LPA: variants seen among roughly 807,000 people sequenced by gnomAD.
The protein encoded by LPA is apolipoprotein(a).
In LPA, 199 loss-of-function variants were observed where a neutral mutation model predicts 197.9. The ratio of observed to expected loss-of-function variants is 1.01; its 90% confidence interval spans 0.90 to 1.13. LPA has a LOEUF of 1.13. LPA is among the 50% of genes most tolerant of loss of function. LPA has a pLI of 0.00. For synonymous variants in LPA, 715 were observed against 639.5 expected (o/e 1.12, Z -1.78); for missense variants, 1,853 against 1,785.8 (o/e 1.04, Z -0.68).
intron 28 of LPA, among the ~76,000 whole-genome samples, chr6:160,559,445 G>A (rs1778326004): frequency 6.6e-6 from 1 of 152,092 alleles, no homozygotes; most frequent in Admixed American, 6.6e-5. Flanking sequence ...TTTACAGTTT[G>A]AATTATAATA....
intron 7 of LPA, among the ~76,000 whole-genome samples, 183 bp downstream of exon 7, chr6:160,634,940 G>C (rs1480190762): frequency 4.0e-5 from 6 of 150,234 alleles, no homozygotes; most frequent in East Asian, 1.9e-4. Context: ...GCCCACCCAA[G>C]TTGCACCAGA....
intron 22 of LPA, 37 bp downstream of exon 22, chr6:160,593,921 G>T: frequency 1.2e-6 from 2 of 1,610,890 alleles, no homozygotes; most frequent in Non-Finnish European, 1.7e-6. Context: ...ATGTAAGGGG[G>T]CTGCTGTCTG....
chr6:160,607,431 A>T (rs531249602), intron 16 of LPA, among the ~76,000 whole-genome samples: 5 of 152,128 alleles, frequency 3.3e-5, no homozygotes, highest in African/African-American at 1.2e-4. Flanking sequence ...GGAAAGGGGG[A>T]TGAGTTGAAA....
chr6:160,553,905 TTCTC>T (rs962607479), intron 30 of LPA, among the ~76,000 whole-genome samples: 3 of 141,996 alleles, frequency 2.1e-5, no homozygotes, highest in African/African-American at 5.2e-5. Context: ...TTTTCAGCCT[TTCTC>T]TCTCTCTCTT....
chr6:160,607,991 T>A (rs1582882591), intron 16 of LPA, among the ~76,000 whole-genome samples: 1 of 152,176 alleles, frequency 6.6e-6, no homozygotes, highest in Admixed American at 6.5e-5. Context: ...GGTACACTTC[T>A]AATTATTCCC....
intron 1 of LPA, 44 bp from the exon 2 acceptor site, chr6:160,650,541 C>G: frequency 6.3e-7 from 1 of 1,598,586 alleles, no homozygotes. Context: ...GTTCTTAGAA[C>G]AGAAAAAAAT....
intron 27 of LPA, among the ~76,000 whole-genome samples, chr6:160,577,607 C>A (rs1778708918): frequency 6.6e-6 from 1 of 152,136 alleles, no homozygotes; most frequent in African/African-American, 2.4e-5. Flanking sequence ...GGCAGAAGAC[C>A]AGAATGCAAT....
In LPA at chr6:160,548,601, T is replaced by G; in HGVS notation, c.5032A>C (p.Thr1678Pro). The G allele has an allele frequency of 1.2e-6, 2 of 1,614,080 alleles. No homozygotes were observed. Among genetic ancestry groups the G allele is most frequent in the Middle Eastern group, 1.7e-4 (1 of 6,054 alleles). Residue 1678 changes from threonine to proline, a missense_variant, in exon 31 of 39, where the codon ACC (threonine) becomes CCC (proline). By Grantham distance (38) the Thr-to-Pro change is conservative (BLOSUM62 -1). Coordinates refer to ENST00000316300, the MANE Select transcript of LPA (RefSeq NM_005577.4). ...PDADTGPWCF[T>P]MDPSIRWEYC... Reference sequence around the variant, plus strand: ...TCCCACCTGATGCTGGGGTCCATGGTAAAACACCAAGGGCCTGTATCGGCA... The same window carrying G: ...TCCCACCTGATGCTGGGGTCCATGGGAAAACACCAAGGGCCTGTATCGGCA...
At chr6:160,576,396 A>ATATATATACATATATATATATATATGTG (rs1778674953) in intron 28 of LPA, among the ~76,000 whole-genome samples, 3 of 46,940 alleles carry the variant, frequency 6.4e-5, no homozygotes, top group South Asian at 7.8e-4. Flanking sequence ...ATATGTATAT[A>ATATATATACATATATATATATATATGTG]TATATATATA....
At position 160,541,107 on chromosome 6, in the gene LPA, T is replaced by C. The variant is rs779764475; in HGVS notation, c.5594A>G (p.Lys1865Arg). 2 of 1,613,840 alleles carry C rather than the reference T, an allele frequency of 1.2e-6. No individual in the cohort carries two copies. The highest frequency in any genetic ancestry group is 4.5e-5 in the East Asian group (2 of 44,888). ...WVLTAAHCLK[K>R]SSRPSSYKVI... The stretch of plus-strand genomic sequence containing the variant: ...CATGTCAGTTTTCCCTTAAACGTAC[T>C]TCTTCAAGCAGTGAGCAGCAGTCAG... Residue 1865 changes from lysine (K) to arginine (R), a missense_variant and splice_region_variant, in exon 35 of 39, where the codon AAG becomes AGG. Coordinates refer to ENST00000316300, the MANE Select transcript of LPA (RefSeq NM_005577.4).
chr6:160,650,633 C>T (rs545063603), intron 1 of LPA, 136 bp from the exon 2 acceptor site: 47 of 800,914 alleles, frequency 5.9e-5, no homozygotes, highest in Non-Finnish European at 6.4e-5. Context: ...GGCAGACAGA[C>T]GTGCAAAAAA....
In LPA at chr6:160,650,444, T is replaced by G. The variant is rs200491482; in HGVS notation, c.103A>C (p.Ser35Arg). 209 of 1,613,878 alleles carry G rather than the reference T, an allele frequency of 1.3e-4. No homozygotes were observed. The highest frequency in any genetic ancestry group is 1.1e-4 in the South Asian group (10 of 91,078). Residue 35 changes from serine (S) to arginine (R), a missense_variant, in exon 2 of 39, where the codon AGT (serine) becomes CGT (arginine). By Grantham distance (110) the Ser-to-Arg change is moderately radical. This residue lies in a region of LPA where 88 missense variants were observed against 83.0 expected (regional missense o/e 1.06). Transcript: ENST00000316300. ...GTGGTGGAGTACGTGCCTCGATAAC[T>G]CTGTCCATCACCATGGTAGCAATCC... ...VQDCYHGDGQ[S>R]YRGTYSTTVT... is the part of the protein sequence containing the mutation.
chr6:160,578,779 G>A (rs1778735595), intron 26 of LPA, 75 bp from the exon 27 acceptor site: 7 of 1,608,324 alleles, frequency 4.4e-6, no homozygotes, highest in Non-Finnish European at 5.9e-6. Flanking sequence ...TCTACATTTT[G>A]CTGTAACAAA....
At chr6:160,597,433 G>A (rs199804561) in intron 20 of LPA, among the ~76,000 whole-genome samples, 3 of 152,142 alleles carry the variant, frequency 2.0e-5, no homozygotes, top group Admixed American at 6.5e-5. Flanking sequence ...TTCAATGCTC[G>A]TGTGGCTCTA....
Position 160,606,531 on chromosome 6 carries a change from C to A in LPA, c.2731G>T (p.Val911Phe). ...ATCGGGGTAATAGTTGGAGGCGCGA[C>A]GGCAGTCCCTTCTGCGTCTGAGCAT... ...TQCSDAEGTAVAPPTITPIPS... is the reference protein window; with the variant it reads ...TQCSDAEGTAFAPPTITPIPS... The change falls in exon 17 of 39, where the codon GTC becomes TTC. Residue 911 changes from valine (V) to phenylalanine (F), a missense_variant. Transcript: ENST00000316300. The A allele has an allele frequency of 3.1e-6, 5 of 1,613,622 alleles. No homozygotes were observed. The highest frequency in any genetic ancestry group is 3.4e-6 in the Non-Finnish European group (4 of 1,179,940).
At chr6:160,573,328 C>G (rs931697891) in intron 28 of LPA, among the ~76,000 whole-genome samples, 1 of 151,728 alleles carries the variant, frequency 6.6e-6, no homozygotes, top group Non-Finnish European at 1.5e-5. Flanking sequence ...GAATATTTCA[C>G]CTTTTACTTC....
chr6:160,609,626 G>A (rs1416454129), intron 16 of LPA, among the ~76,000 whole-genome samples: 2 of 151,906 alleles, frequency 1.3e-5, no homozygotes, highest in Admixed American at 1.3e-4. Context: ...CGTGATTCCG[G>A]TATTTGTATC....
rs867528510 is a variant in LPA at position 160,547,845 on chromosome 6, G to A, written c.5248C>T (p.His1750Tyr). The A allele has an allele frequency of 6.2e-7, 1 of 1,614,100 alleles. No homozygotes were observed. Among genetic ancestry groups the A allele is most frequent in the Non-Finnish European group, 8.5e-7 (1 of 1,180,006 alleles). The change falls in exon 32 of 39, where the codon CAT becomes TAT. Residue 1750 changes from histidine to tyrosine, a missense_variant. Coordinates refer to ENST00000316300, the MANE Select transcript of LPA (RefSeq NM_005577.4). ...CCTGGAATGAACGTGCTGTGTCTAT[G>A]GGGCTCCTGGGCAGCCCATTCCTGG... Reference protein sequence around the residue: ...PCQEWAAQEPHRHSTFIPGTN... With the variant: ...PCQEWAAQEPYRHSTFIPGTN...
At chr6:160,593,378 C>T (rs1049918423) in intron 22 of LPA, among the ~76,000 whole-genome samples, 2 of 152,132 alleles carry the variant, frequency 1.3e-5, no homozygotes, top group Non-Finnish European at 2.9e-5. Flanking sequence ...GGGTTTCTGT[C>T]CATCTTCCTG....
Sources: allele counts gnomAD v4.1 joint callset (sites outside exome capture counted in the v4.1 genomes callset), GRCh38; gene constraint gnomAD v4.1.1; regional missense constraint gnomAD v4.1.1; transcripts MANE v1.5; gene names NCBI Gene and HGNC (gene_info 2026-07-23, HGNC 2026-07-21).